The following MIB1 variants were observed in gnomAD, a reference collection of about 807,000 sequenced individuals.
The protein encoded by MIB1 is E3 ubiquitin-protein ligase MIB1.
In MIB1, 278 loss-of-function variants were observed where a neutral mutation model predicts 124.5. The ratio of observed to expected loss-of-function variants is 2.23; its 90% CI spans 2.02 to 2.47. MIB1 has a LOEUF of 2.47. MIB1 is among the 30% of genes most tolerant of loss of function. MIB1 has a pLI of 0.00. For missense variants in MIB1, 957 were observed against 1,254.4 expected (o/e 0.76, Z 3.58); for synonymous variants, 446 against 429.4 (o/e 1.04, Z -0.48).
At chr18:21,797,802 G>A (rs557056802) in intron 7 of MIB1, among the ~76,000 whole-genome samples, 62 of 152,142 alleles carry the variant, frequency 4.1e-4, no homozygotes, top group African/African-American at 1.3e-3. Context: ...GATTTCAGAA[G>A]TAAGGATTGA....
intron 12 of MIB1, among the ~76,000 whole-genome samples, chr18:21,837,533 T>C (rs1407268363): frequency 6.6e-6 from 1 of 151,992 alleles, no homozygotes; most frequent in Admixed American, 6.6e-5. Flanking sequence ...CAAACAAAAG[T>C]CTAATAAAAG....
chr18:21,822,323 G>T (rs1483626280), intron 12 of MIB1, among the ~76,000 whole-genome samples: 1 of 152,126 alleles, frequency 6.6e-6, no homozygotes, highest in Non-Finnish European at 1.5e-5. Context: ...AGTAGGCATA[G>T]TATATTCAAT....
Position 21,870,917 on chromosome 18 carries a change from A to G in MIB1, c.*6251A>G, listed in dbSNP as rs745327738. On this transcript the variant is annotated 3_prime_UTR_variant, in exon 21 of 21. Coordinates refer to ENST00000261537, the MANE Select transcript of MIB1 (RefSeq NM_020774.4). ...CATGGCAATATTTTTTACTAAATTGAAACTATAGGTTTTAAAAATAAAGAC... is the reference window on the plus strand; with the variant it reads ...CATGGCAATATTTTTTACTAAATTGGAACTATAGGTTTTAAAAATAAAGAC... 1.5e-4 allele frequency: 23 copies of G among 152,164 alleles called. No individual in the cohort carries two copies. The highest frequency in any genetic ancestry group is 2.8e-4 in the Non-Finnish European group (19 of 68,034). The allele number at this position is 152,164 out of a possible 1,614,324, so 9.4% of individuals were successfully genotyped here. A position where few individuals can be genotyped will look rare whatever the true frequency, so the allele number is the denominator to read the frequency against.
intron 12 of MIB1, among the ~76,000 whole-genome samples, chr18:21,824,178 G>A (rs976439941): frequency 3.9e-5 from 6 of 152,092 alleles, no homozygotes; most frequent in Non-Finnish European, 7.4e-5. Flanking sequence ...AAAAGTAAAC[G>A]TAAAATATGA....
At chr18:21,738,194 G>A (rs1253257949), upstream of MIB1, among the ~76,000 whole-genome samples, 2 of 152,158 alleles carry the variant, frequency 1.3e-5, no homozygotes, top group African/African-American at 4.8e-5. Context: ...ACACTCCTCA[G>A]CAAATGCAAA....
intron 3 of MIB1, among the ~76,000 whole-genome samples, chr18:21,772,868 C>G (rs1276308693): frequency 6.6e-6 from 1 of 152,116 alleles, no homozygotes; most frequent in African/African-American, 2.4e-5. Context: ...TCTTCAAGAG[C>G]TTTGTGCTTG....
rs946544734 is a variant in MIB1 at position 21,761,479 on chromosome 18, A to G, written c.230-4293A>G. On this transcript the variant is annotated intron_variant, in intron 1 of 20. Transcript: ENST00000261537. ...GTTCTATTCCTGGAAGACCAAATGT[A>G]TATTTAAAATGGAGGAGAGGCATGC... 3.3e-5 allele frequency among the ~76,000 whole-genome samples: 5 copies of G among 152,226 alleles called. No individual in the cohort carries two copies. The East Asian group carries it at 5.8e-4, about 18-fold the overall frequency.
chr18:21,851,478 AT>A (rs1386492995), intron 17 of MIB1, among the ~76,000 whole-genome samples: 1 of 152,124 alleles, frequency 6.6e-6, no homozygotes, highest in Non-Finnish European at 1.5e-5. Context: ...CACCCAACAG[AT>A]TTGCCAGGTT....
Position 21,740,833 on chromosome 18 carries a change from C to T in MIB1, c.-751C>T, listed in dbSNP as rs1167852453. On this transcript the variant is annotated 5_prime_UTR_variant, in exon 1 of 21. Coordinates refer to ENST00000261537, the MANE Select transcript of MIB1 (RefSeq NM_020774.4). ...ACGCTTAGGGATCAGTTTTCTCCTC[C>T]TTTCTTCCCGCGATCGCGCGGCTCT... Among the ~76,000 whole-genome samples, 4 of 152,234 alleles carry T rather than the reference C, an allele frequency of 2.6e-5. No homozygotes were observed. The highest frequency in any genetic ancestry group is 4.4e-5 in the Non-Finnish European group (3 of 68,038).
At chr18:21,848,076 A>G (rs1383255596) in intron 16 of MIB1, among the ~76,000 whole-genome samples, 1 of 152,214 alleles carries the variant, frequency 6.6e-6, no homozygotes, top group Non-Finnish European at 1.5e-5. Context: ...GAATCTGTGC[A>G]TAGAACTGTG....
intron 1 of MIB1, among the ~76,000 whole-genome samples, chr18:21,750,351 G>A (rs772332666): frequency 1.3e-5 from 2 of 151,512 alleles, no homozygotes; most frequent in Non-Finnish European, 2.9e-5. Flanking sequence ...TTTTTGAGAC[G>A]GAGTCTCGCT....
intron 12 of MIB1, among the ~76,000 whole-genome samples, chr18:21,821,579 G>T (rs1411085648): frequency 6.6e-6 from 1 of 150,690 alleles, no homozygotes; most frequent in African/African-American, 2.4e-5. Flanking sequence ...TCCTTGTTCT[G>T]TGTGTGTTTT....
intron 12 of MIB1, chr18:21,828,044 A>G (rs1396366940): frequency 2.0e-5 from 3 of 151,984 alleles, no homozygotes; most frequent in African/African-American, 4.8e-5. Context: ...GGAATTTTTT[A>G]TAAATAATAT....
At chr18:21,796,647 A>G (rs939916370) in intron 7 of MIB1, among the ~76,000 whole-genome samples, 2 of 152,224 alleles carry the variant, frequency 1.3e-5, no homozygotes, top group African/African-American at 4.8e-5. Flanking sequence ...TGACCATTTT[A>G]GTAATAACCA....
At chr18:21,840,579 A>G (rs2042074138) in intron 13 of MIB1, among the ~76,000 whole-genome samples, 1 of 150,606 alleles carries the variant, frequency 6.6e-6, no homozygotes, top group Non-Finnish European at 1.5e-5. Context: ...GCTCAAATCT[A>G]GGAGTTCGAG....
chr18:21,818,004 T>G (rs2041845286), intron 11 of MIB1, among the ~76,000 whole-genome samples: 1 of 152,220 alleles, frequency 6.6e-6, no homozygotes, highest in African/African-American at 2.4e-5. Context: ...GAATAAAAAC[T>G]TACTGCTAAG....
At chr18:21,789,610 A>G (rs959404975) in intron 6 of MIB1, among the ~76,000 whole-genome samples, 1 of 152,120 alleles carries the variant, frequency 6.6e-6, no homozygotes, top group Admixed American at 6.5e-5. Context: ...CGAGGTCAGG[A>G]GTTCGAGAAC....
At chr18:21,821,656 T>C (rs1266423640) in intron 12 of MIB1, among the ~76,000 whole-genome samples, 1 of 151,384 alleles carries the variant, frequency 6.6e-6, no homozygotes, top group Non-Finnish European at 1.5e-5. Flanking sequence ...TGGAGTGCAG[T>C]GGCACAATCT....
intron 1 of MIB1, among the ~76,000 whole-genome samples, chr18:21,754,161 G>C (rs1331401265): frequency 6.6e-6 from 1 of 152,182 alleles, no homozygotes; most frequent in Non-Finnish European, 1.5e-5. Flanking sequence ...GATCTGACTT[G>C]CTCTTTCCTG....
Sources: allele counts gnomAD v4.1 joint callset (sites outside exome capture counted in the v4.1 genomes callset), GRCh38; gene constraint gnomAD v4.1.1; transcripts MANE v1.5; gene names NCBI Gene and HGNC (gene_info 2026-07-23, HGNC 2026-07-21).